Variants in CFAP91 observed in about 807,000 individuals in gnomAD.
CFAP91 encodes the protein cilia- and flagella-associated protein 91.
Under a neutral mutation model 95.9 loss-of-function variants are expected in CFAP91, and 85 were observed. The observed-to-expected ratio is 0.89, with a 90% CI of 0.74 to 1.06. The LOEUF (loss-of-function observed/expected upper bound fraction) is 1.06. Ranked by LOEUF, CFAP91 falls within the 50% of genes least tolerant of loss-of-function variation. CFAP91 has a pLI of 0.00. For synonymous variants in CFAP91, 335 were observed against 327.5 expected (o/e 1.02, Z -0.25); for missense variants, 962 against 943.4 (o/e 1.02, Z -0.26).
intron 11 of CFAP91, among the ~76,000 whole-genome samples, chr3:119,738,521 A>T (rs1007153836): frequency 1.3e-5 from 2 of 150,146 alleles, no homozygotes; most frequent in Admixed American, 6.6e-5. Flanking sequence ...GCTAATTTTT[A>T]TAGTTTTAGT....
At chr3:119,704,460 T>C (rs937959178) in intron 1 of CFAP91, among the ~76,000 whole-genome samples, 1 of 152,232 alleles carries the variant, frequency 6.6e-6, no homozygotes, top group Admixed American at 6.5e-5. Flanking sequence ...GCTCTCCTGC[T>C]TTCTTTCTTT....
chr3:119,739,463 C>G (rs1331034820), intron 12 of CFAP91, 137 bp downstream of exon 12: 2 of 720,416 alleles, frequency 2.8e-6, no homozygotes, highest in Non-Finnish European at 4.7e-6. Flanking sequence ...AGTTGCCTAC[C>G]CATTTCCTTC....
intron 6 of CFAP91, among the ~76,000 whole-genome samples, chr3:119,724,969 T>C (rs1359342869): frequency 6.6e-6 from 1 of 152,002 alleles, no homozygotes; most frequent in Non-Finnish European, 1.5e-5. Context: ...TATTTGCTTT[T>C]TAAAAGCATA....
intron 1 of CFAP91, chr3:119,706,449 T>C (rs1351643452): frequency 4.9e-6 from 1 of 202,890 alleles, no homozygotes; most frequent in Non-Finnish European, 1.0e-5. Flanking sequence ...ATATACAAGG[T>C]CTTTCCCTTG....
chr3:119,744,989 A>G (rs1373682170), intron 14 of CFAP91, among the ~76,000 whole-genome samples: 1 of 152,234 alleles, frequency 6.6e-6, no homozygotes, highest in East Asian at 1.9e-4. Flanking sequence ...GCTACTATAC[A>G]CAAAAGCAGA....
Position 119,738,330 on chromosome 3 carries a change from G to GTTTTTT in CFAP91, c.1461+849_1461+850insTTTTTT, listed in dbSNP as rs1559761130. 4.0e-3 allele frequency among the ~76,000 whole-genome samples: 94 copies of GTTTTTT among 23,730 alleles called. 1 individual carries two copies. The highest frequency in any genetic ancestry group is 9.0e-3 in the Non-Finnish European group (74 of 8,208). 15.6% of individuals were successfully genotyped at this position (23,730 alleles called of 152,430 possible). A position where few individuals can be genotyped will look rare whatever the true frequency, so the allele number is the denominator to read the frequency against. ...TGTGCAGGGCTTTGGTTGACATATTGTCTTTTTTTTTTTTTTTTTTTTTTT... is the reference window on the plus strand; with the variant it reads ...TGTGCAGGGCTTTGGTTGACATATTGTTTTTTTCTTTTTTTTTTTTTTTTTTTTTTT... On this transcript the variant is annotated intron_variant, in intron 11 of 17. Coordinates refer to ENST00000273390, the MANE Select transcript of CFAP91 (RefSeq NM_033364.4).
intron 17 of CFAP91, among the ~76,000 whole-genome samples, chr3:119,759,110 C>G (rs558649604): frequency 3.3e-5 from 5 of 152,016 alleles, no homozygotes; most frequent in African/African-American, 1.2e-4. Flanking sequence ...GTTTATCATT[C>G]CTTACTCTAC....
At chr3:119,706,771 G>A (rs751968926) in intron 1 of CFAP91, 38 bp from the exon 2 acceptor site, 6 of 1,469,600 alleles carry the variant, frequency 4.1e-6, no homozygotes, top group Non-Finnish European at 5.7e-6. Flanking sequence ...GGGTAGATAT[G>A]TTCTATCTGT....
chr3:119,734,344 G>A (rs1232623372), intron 10 of CFAP91, among the ~76,000 whole-genome samples: 1 of 152,040 alleles, frequency 6.6e-6, no homozygotes, highest in Non-Finnish European at 1.5e-5. Flanking sequence ...TGTATATCGA[G>A]GTGGTTCTTT....
chr3:119,758,877 A>G (rs185865977), intron 17 of CFAP91, among the ~76,000 whole-genome samples: 33 of 152,220 alleles, frequency 2.2e-4, no homozygotes, highest in Non-Finnish European at 4.3e-4. Flanking sequence ...CAATGACTTG[A>G]ACCGAAATTA....
chr3:119,754,759 C>T (rs1395099514), intron 17 of CFAP91, among the ~76,000 whole-genome samples: 1 of 152,208 alleles, frequency 6.6e-6, no homozygotes, highest in African/African-American at 2.4e-5. Context: ...CCCAGCTCAG[C>T]AGAGCTATGG....
At chr3:119,759,080 T>C (rs1336375403) in intron 17 of CFAP91, among the ~76,000 whole-genome samples, 1 of 152,070 alleles carries the variant, frequency 6.6e-6, no homozygotes, top group Non-Finnish European at 1.5e-5. Context: ...ATATTTACTA[T>C]TAAGCCCTTT....
chr3:119,724,724 C>G (rs1577214045), intron 6 of CFAP91, among the ~76,000 whole-genome samples: 2 of 152,004 alleles, frequency 1.3e-5, no homozygotes, highest in South Asian at 2.1e-4. Context: ...CTATAATACC[C>G]TAATTTTATT....
intron 2 of CFAP91, 85 bp downstream of exon 2, chr3:119,706,970 C>T: frequency 1.9e-6 from 2 of 1,039,798 alleles, no homozygotes; most frequent in Admixed American, 1.8e-5. Flanking sequence ...TGACTAATCA[C>T]CAAATCTTCA....
At chr3:119,742,408 A>G (rs2054139547) in intron 13 of CFAP91, among the ~76,000 whole-genome samples, 1 of 152,232 alleles carries the variant, frequency 6.6e-6, no homozygotes, top group Non-Finnish European at 1.5e-5. Flanking sequence ...GTAACACAGT[A>G]CTTTCTGTGA....
At chr3:119,749,747 A>T (rs1030527243) in intron 16 of CFAP91, among the ~76,000 whole-genome samples, 1 of 152,158 alleles carries the variant, frequency 6.6e-6, no homozygotes, top group Non-Finnish European at 1.5e-5. Context: ...TGAGAACCAT[A>T]TGTATTATAT....
intron 17 of CFAP91, among the ~76,000 whole-genome samples, chr3:119,757,468 G>A (rs2054454817): frequency 6.6e-6 from 1 of 152,080 alleles, no homozygotes; most frequent in African/African-American, 2.4e-5. Flanking sequence ...ACATGGTGAA[G>A]CCGTGTCTCT....
At position 119,706,818 on chromosome 3, in the gene CFAP91, T is replaced by C; in HGVS notation, c.134T>C (p.Phe45Ser). 1 of 1,613,282 alleles carries C rather than the reference T, an allele frequency of 6.2e-7. No homozygotes were observed. The highest frequency in any genetic ancestry group is 8.5e-7 in the Non-Finnish European group (1 of 1,179,370). The change falls in exon 2 of 18, where the codon TTT (phenylalanine) becomes TCT (serine). Residue 45 changes from phenylalanine to serine, a missense_variant. Coordinates refer to ENST00000273390, the MANE Select transcript of CFAP91 (RefSeq NM_033364.4). Reference sequence around the variant, plus strand: ...ATTGTTTATTTTGCAGATCCATTGTTTATTGTGTCAAGTGAGAAAGACCAT... The same window carrying C: ...ATTGTTTATTTTGCAGATCCATTGTCTATTGTGTCAAGTGAGAAAGACCAT... Reference protein sequence around the residue: ...RAYDFLYDPLFIVSSEKDHTQ... With the variant: ...RAYDFLYDPLSIVSSEKDHTQ...
intron 5 of CFAP91, among the ~76,000 whole-genome samples, chr3:119,713,873 A>G (rs990955920): frequency 1.3e-5 from 2 of 152,212 alleles, no homozygotes; most frequent in African/African-American, 4.8e-5. Context: ...TCACAGGTAT[A>G]GATTACATTA....
Sources: allele counts gnomAD v4.1 joint callset (sites outside exome capture counted in the v4.1 genomes callset), GRCh38; gene constraint gnomAD v4.1.1; transcripts MANE v1.5; gene names NCBI Gene and HGNC (gene_info 2026-07-23, HGNC 2026-07-21).